CLSPN: variants seen among roughly 807,000 people sequenced by gnomAD.
The protein encoded by CLSPN is claspin homolog.
In CLSPN, 85 loss-of-function variants were observed where a neutral mutation model predicts 156.3. That is an observed-to-expected ratio of 0.54 (90% CI 0.46 to 0.65). CLSPN has a LOEUF of 0.65. CLSPN is among the 30% of genes least tolerant of loss of function. The probability of loss-of-function intolerance (pLI) is 0.00; values close to 1 mark genes in which losing one functional copy is unlikely to be tolerated. For synonymous variants in CLSPN, 534 were observed against 542.4 expected (o/e 0.98, Z 0.22); for missense variants, 1,407 against 1,554.9 (o/e 0.90, Z 1.60).
intron 8 of CLSPN, among the ~76,000 whole-genome samples, chr1:35,757,840 C>T (rs1016030832): frequency 1.3e-5 from 2 of 152,348 alleles, no homozygotes; most frequent in Non-Finnish European, 2.9e-5. Context: ...CTTCCCAATA[C>T]GCACCACCAT....
intron 8 of CLSPN, among the ~76,000 whole-genome samples, chr1:35,756,783 G>T (rs1328071673): frequency 6.6e-6 from 1 of 152,150 alleles, no homozygotes; most frequent in Non-Finnish European, 1.5e-5. Flanking sequence ...ATGAGGTAAA[G>T]AAACTGAGCT....
At chr1:35,745,699 A>G in intron 15 of CLSPN, 137 bp from the exon 16 acceptor site, 1 of 634,098 alleles carries the variant, frequency 1.6e-6, no homozygotes, top group Non-Finnish European at 2.8e-6. Context: ...TATTCATTCA[A>G]CAAATCCTTA....
rs765769357 is a variant in CLSPN, at chr1:35,745,569, CACA to C, written c.2855-10_2855-8del. The C allele has an allele frequency of 8.5e-5, 134 of 1,581,330 alleles. No homozygotes were observed. The highest frequency in any genetic ancestry group is 1.1e-4 in the Non-Finnish European group (132 of 1,150,328). ...GAGGCTGGAGTGGAGGCATCTACAT[CACA>C]ACAAGGAAAAGATGTGTCACCAAGG... On this transcript the variant is annotated splice_region_variant and splice_polypyrimidine_tract_variant and intron_variant, in intron 15 of 24. Transcript: ENST00000318121.
chr1:35,725,176 C>T (rs557188001), intron 24 of CLSPN, among the ~76,000 whole-genome samples: 1 of 152,302 alleles, frequency 6.6e-6, no homozygotes, highest in African/African-American at 2.4e-5. Flanking sequence ...GCTGCAAATC[C>T]ACTGCACCAG....
chr1:35,762,557 G>A lies in CLSPN; in HGVS notation c.745-76C>T, dbSNP rs1443342476. The A allele has an allele frequency of 8.0e-6, 8 of 1,005,378 alleles. No homozygotes were observed. In the Admixed American group the frequency reaches 1.4e-4, roughly 17 times the overall value. 62.3% of individuals were successfully genotyped at this position (1,005,378 alleles called of 1,614,324 possible). On this transcript the variant is annotated intron_variant, in intron 4 of 24. Coordinates refer to ENST00000318121, the MANE Select transcript of CLSPN (RefSeq NM_022111.4). ...GATGCTTTAGCTGAAGACTACTTTT[G>A]TAGTCCAACACCACATCATGCTACA...
chr1:35,743,535 A>C lies in CLSPN; in HGVS notation c.2967-5T>G, dbSNP rs1641770627. ...TCCTCCTCGTCTTCCTCTTCCCTAAAATGTAAATCAATGAATCAATAAATA... is the reference window on the plus strand; with the variant it reads ...TCCTCCTCGTCTTCCTCTTCCCTAACATGTAAATCAATGAATCAATAAATA... On this transcript the variant is annotated splice_polypyrimidine_tract_variant and splice_region_variant and intron_variant, in intron 16 of 24. Coordinates refer to ENST00000318121, the MANE Select transcript of CLSPN (RefSeq NM_022111.4). The C allele has an allele frequency of 6.2e-7, 1 of 1,606,690 alleles. No individual in the cohort carries two copies. Among genetic ancestry groups the C allele is most frequent in the Non-Finnish European group, 8.5e-7 (1 of 1,173,520 alleles).
intron 18 of CLSPN, among the ~76,000 whole-genome samples, chr1:35,741,613 G>A (rs1231777915): frequency 2.0e-5 from 3 of 152,122 alleles, no homozygotes; most frequent in African/African-American, 7.2e-5. Flanking sequence ...ACTGCACCCA[G>A]TTTGTATTCT....
Position 35,748,503 on chromosome 1 carries a change from G to C in CLSPN, c.2374C>G (p.Gln792Glu). 2.5e-6 allele frequency: 4 copies of C among 1,614,134 alleles called. No individual in the cohort carries two copies. The highest frequency in any genetic ancestry group is 3.4e-6 in the Non-Finnish European group (4 of 1,179,962). ...AAAAAACTGGTCCCACGGCCTGTTT[G>C]TCTGTTGCAAGGCTGATAGGATGGA... ...TIPSYQPCNR[Q>E]TGRGTSFFPT... is the part of the protein sequence containing the mutation. The change falls in exon 13 of 25, where the codon CAA (glutamine) becomes GAA (glutamate). Residue 792 changes from glutamine (Q) to glutamate (E), a missense_variant. Physicochemically the swap from Gln to Glu is conservative, Grantham distance 29. This residue lies in a region of CLSPN where 1,096 missense variants were observed against 1,193.0 expected (regional missense o/e 0.92). Transcript: ENST00000318121.
chr1:35,748,254 G>C (rs1641958006), intron 13 of CLSPN, 151 bp downstream of exon 13: 1 of 954,766 alleles, frequency 1.0e-6, no homozygotes, highest in East Asian at 2.4e-5. Context: ...GATGAAGCTT[G>C]TTTTTAATAC....
chr1:35,729,369 C>A (rs1641265855), downstream of CLSPN, among the ~76,000 whole-genome samples: 1 of 152,204 alleles, frequency 6.6e-6, no homozygotes, highest in African/African-American at 2.4e-5. Context: ...GGTGTCCACC[C>A]CAACTCCTTC....
intron 24 of CLSPN, among the ~76,000 whole-genome samples, chr1:35,726,640 A>T (rs1641198540): frequency 6.6e-6 from 1 of 152,248 alleles, no homozygotes; most frequent in Non-Finnish European, 1.5e-5. Flanking sequence ...AGGGAGAGCC[A>T]GAATGAAGTG....
chr1:35,751,358 A>G lies in CLSPN; in HGVS notation c.1920T>C (p.Asp640=). ...TCTCTTCTCCATCTTCCTCAGACTC[A>G]TCTGTCATTTCTTCCTCTTCCTCCT... The part of the protein sequence containing the change: ...EEEEEEEEMT[D]ESEEDGEEKV... Residue 640 remains aspartate (D), a synonymous_variant, in exon 10 of 25, where the codon GAT becomes GAC. Coordinates refer to ENST00000318121, the MANE Select transcript of CLSPN (RefSeq NM_022111.4). 1 of 1,602,452 alleles carries G rather than the reference A, an allele frequency of 6.2e-7. No individual in the cohort carries two copies. Among genetic ancestry groups the G allele is most frequent in the Non-Finnish European group, 8.5e-7 (1 of 1,172,136 alleles).
chr1:35,748,186 A>G (rs1206041975), intron 13 of CLSPN, 125 bp from the exon 14 acceptor site: 3 of 1,107,474 alleles, frequency 2.7e-6, no homozygotes, highest in Admixed American at 2.3e-5. Context: ...GTTGAGGGGG[A>G]CAATACACAG....
chr1:35,747,776 C>T, intron 14 of CLSPN, 131 bp downstream of exon 14: 5 of 825,072 alleles, frequency 6.1e-6, no homozygotes, highest in Non-Finnish European at 9.5e-6. Context: ...GAATGTAATA[C>T]TAATGGTCTG....
At chr1:35,751,009 T>C (rs996067386) in intron 10 of CLSPN, among the ~76,000 whole-genome samples, 4 of 151,530 alleles carry the variant, frequency 2.6e-5, no homozygotes, top group Admixed American at 2.0e-4. Context: ...GCCCAGGCAA[T>C]GGTATTCTGT....
intron 24 of CLSPN, among the ~76,000 whole-genome samples, chr1:35,725,540 C>T (rs903123631): frequency 5.9e-5 from 9 of 151,874 alleles, no homozygotes; most frequent in Admixed American, 1.3e-4. Context: ...ACCCTCCGGC[C>T]GCCCACCTCT....
downstream of CLSPN, among the ~76,000 whole-genome samples, chr1:35,730,266 G>A (rs924372631): frequency 6.6e-6 from 1 of 152,134 alleles, no homozygotes; most frequent in Non-Finnish European, 1.5e-5. Context: ...ACCTAAGGCT[G>A]GGTGTGGTGG....
In CLSPN at chr1:35,760,467, GGCCCAA is replaced by G; in HGVS notation, c.1448_1453del (p.Val483_Pro485delinsAla). On this transcript the variant is annotated inframe_deletion, in exon 8 of 25. Coordinates refer to ENST00000318121, the MANE Select transcript of CLSPN (RefSeq NM_022111.4). ...AGTAAACCGTCTCACTTTTTCAGGT[GGCCCAA>G]CTGCTGATGATTTATTTTGCTGCTC... The G allele has an allele frequency of 6.2e-7, 1 of 1,614,138 alleles. No homozygotes were observed. The highest frequency in any genetic ancestry group is 1.7e-5 in the Admixed American group (1 of 60,028).
chr1:35,734,347 A>G lies in CLSPN; in HGVS notation c.*2149T>C, dbSNP rs774371380. 2.0e-5 allele frequency: 20 copies of G among 985,274 alleles called. No individual in the cohort carries two copies. Among genetic ancestry groups the G allele is most frequent in the East Asian group, 2.3e-4 (2 of 8,834 alleles). 61.0% of individuals were successfully genotyped at this position (985,274 alleles called of 1,614,324 possible). A position where few individuals can be genotyped will look rare whatever the true frequency, so the allele number is the denominator to read the frequency against. On this transcript the variant is annotated 3_prime_UTR_variant, in exon 25 of 25. Coordinates refer to ENST00000318121, the MANE Select transcript of CLSPN (RefSeq NM_022111.4). ...ATTATAAGATTACAAGTATACAAAC[A>G]TAAGTATTGTCAAAGTCAACATCTT... is the stretch of plus-strand genomic sequence containing the variant.
Sources: allele counts gnomAD v4.1 joint callset (sites outside exome capture counted in the v4.1 genomes callset), GRCh38; gene constraint gnomAD v4.1.1; regional missense constraint gnomAD v4.1.1; transcripts MANE v1.5; gene names NCBI Gene and HGNC (gene_info 2026-07-23, HGNC 2026-07-21).